APPBP2: variants seen among roughly 807,000 people sequenced by gnomAD.
APPBP2 encodes the protein amyloid beta precursor protein binding protein 2.
APPBP2 carries 15 observed loss-of-function variants against 76.0 expected under a neutral mutation model. The ratio of observed to expected loss-of-function variants is 0.20; its 90% CI spans 0.13 to 0.30. The LOEUF (loss-of-function observed/expected upper bound fraction) is 0.30. Ranked by LOEUF, APPBP2 falls within the 10% of genes least tolerant of loss-of-function variation. The pLI, the probability that APPBP2 is intolerant of heterozygous loss-of-function variation, is 1.00. For missense variants in APPBP2, 401 were observed against 687.2 expected (o/e 0.58, Z 4.66); for synonymous variants, 222 against 242.2 (o/e 0.92, Z 0.77).
rs544790789 is a variant in APPBP2 at position 60,453,536 on chromosome 17, G to GTT, written c.1338+764_1338+765dup. Among the ~76,000 whole-genome samples the GTT allele has an allele frequency of 9.3e-5, 13 of 140,498 alleles. 1 individual carries two copies. Among genetic ancestry groups the GTT allele is most frequent in the African/African-American group, 1.9e-4 (7 of 37,284 alleles). The allele number at this position is 140,498 out of a possible 152,430, so 92.2% of individuals were successfully genotyped here. On this transcript the variant is annotated intron_variant, in intron 11 of 12. Transcript: ENST00000083182. Reference sequence around the variant, plus strand: ...ATGTTTCCTAATTTTTCATGATCCTGTTTTTTTTTTTGTTTTTTTTGAAGA... The same window carrying GTT: ...ATGTTTCCTAATTTTTCATGATCCTGTTTTTTTTTTTTTGTTTTTTTTGAAGA...
chr17:60,483,223 CTT>C (rs1245100243), intron 3 of APPBP2, among the ~76,000 whole-genome samples: 1 of 152,094 alleles, frequency 6.6e-6, no homozygotes, highest in Non-Finnish European at 1.5e-5. Context: ...GCATAAATGT[CTT>C]CTTTTGAGAA....
chr17:60,452,182 G>C, intron 11 of APPBP2, 137 bp from the exon 12 acceptor site: 1 of 891,922 alleles, frequency 1.1e-6, no homozygotes, highest in Non-Finnish European at 1.7e-6. Flanking sequence ...AACATACTAT[G>C]TTATTCCAAA....
intron 1 of APPBP2, among the ~76,000 whole-genome samples, chr17:60,520,190 A>G (rs1381822377): frequency 2.0e-5 from 3 of 152,204 alleles, no homozygotes; most frequent in Non-Finnish European, 4.4e-5. Flanking sequence ...CTCCGATCCT[A>G]AATCAGAACC....
At position 60,447,728 on chromosome 17, in the gene APPBP2, G is replaced by A. The variant is rs767101744; in HGVS notation, c.1611C>T (p.His537=). 2.5e-6 allele frequency: 4 copies of A among 1,613,938 alleles called. No individual in the cohort carries two copies. Among genetic ancestry groups the A allele is most frequent in the Admixed American group, 1.7e-5 (1 of 59,988 alleles). The change falls in exon 13 of 13, where the codon CAC becomes CAT. Residue 537 remains histidine, a synonymous_variant. Transcript: ENST00000083182. The part of the protein sequence containing the change: ...IGNYEKVFEY[H]NVLSNWNRLR... ...ACCGGTTCCAGTTAGACAGAACATT[G>A]TGATATTCAAACACTTTCTCGTAAT... is the stretch of plus-strand genomic sequence containing the variant.
intron 2 of APPBP2, among the ~76,000 whole-genome samples, chr17:60,495,971 A>T (rs1366848026): frequency 1.3e-5 from 2 of 152,248 alleles, no homozygotes; most frequent in Admixed American, 6.5e-5. Flanking sequence ...GGAAAGTAGT[A>T]CTGATGCAAG....
intron 11 of APPBP2, among the ~76,000 whole-genome samples, chr17:60,453,263 A>G (rs1054644025): frequency 2.2e-5 from 3 of 135,208 alleles, no homozygotes; most frequent in Non-Finnish European, 4.9e-5. Context: ...GGCTCACTAC[A>G]ATCTCCATCT....
intron 1 of APPBP2, among the ~76,000 whole-genome samples, chr17:60,515,724 T>G (rs1280711871): frequency 6.6e-6 from 1 of 152,232 alleles, no homozygotes; most frequent in Non-Finnish European, 1.5e-5. Context: ...TAGATATTCT[T>G]AATTTGAGAG....
intron 2 of APPBP2, among the ~76,000 whole-genome samples, chr17:60,497,731 TG>T (rs2090788200): frequency 6.6e-6 from 1 of 152,088 alleles, no homozygotes; most frequent in African/African-American, 2.4e-5. Flanking sequence ...GCTAACAACT[TG>T]GTAAGATTCT....
chr17:60,518,647 G>A (rs981168532), intron 1 of APPBP2, among the ~76,000 whole-genome samples: 9 of 152,014 alleles, frequency 5.9e-5, no homozygotes, highest in Non-Finnish European at 1.0e-4. Flanking sequence ...GGGACCGTAG[G>A]CATGTGCCAC....
intron 1 of APPBP2, among the ~76,000 whole-genome samples, chr17:60,521,374 G>C (rs1781226368): frequency 6.6e-6 from 1 of 152,192 alleles, no homozygotes; most frequent in Non-Finnish European, 1.5e-5. Context: ...AGTGTACAGT[G>C]ATGTCTTAGG....
chr17:60,519,454 A>C (rs1326202264), intron 1 of APPBP2, among the ~76,000 whole-genome samples: 3 of 152,154 alleles, frequency 2.0e-5, no homozygotes, highest in African/African-American at 7.2e-5. Context: ...TACAAAAAAA[A>C]AATTTTTAAG....
chr17:60,493,537 T>C (rs955772127), intron 3 of APPBP2, among the ~76,000 whole-genome samples: 2 of 152,172 alleles, frequency 1.3e-5, no homozygotes, highest in Non-Finnish European at 2.9e-5. Context: ...TTTTGCTATG[T>C]TGCCCAGGCT....
At chr17:60,520,597 A>C (rs890361291) in intron 1 of APPBP2, among the ~76,000 whole-genome samples, 1 of 151,210 alleles carries the variant, frequency 6.6e-6, no homozygotes, top group Non-Finnish European at 1.5e-5. Flanking sequence ...AAAAATTAAG[A>C]TTGTGAAAAC....
intron 1 of APPBP2, among the ~76,000 whole-genome samples, chr17:60,520,586 A>T (rs2091001615): frequency 7.3e-6 from 1 of 137,428 alleles, no homozygotes; most frequent in Non-Finnish European, 1.5e-5. Context: ...AAAAAAAAAA[A>T]AAAAATTAAG....
chr17:60,454,068 G>A (rs1409625677), intron 11 of APPBP2, among the ~76,000 whole-genome samples: 2 of 152,000 alleles, frequency 1.3e-5, no homozygotes, highest in African/African-American at 4.8e-5. Context: ...TCCCTATGTT[G>A]TCCAGGCTGG....
intron 5 of APPBP2, among the ~76,000 whole-genome samples, chr17:60,465,845 T>A (rs962579229): frequency 7.2e-5 from 11 of 152,224 alleles, no homozygotes; most frequent in Non-Finnish European, 1.5e-4. Flanking sequence ...CCTGATTTTT[T>A]ATTTTTTTGA....
At chr17:60,480,079 G>A (rs112371557) in intron 3 of APPBP2, among the ~76,000 whole-genome samples, 2 of 152,246 alleles carry the variant, frequency 1.3e-5, no homozygotes, top group African/African-American at 4.8e-5. Context: ...TTCAGGATTA[G>A]TTACAATAAC....
At chr17:60,518,071 T>G (rs78839755) in intron 1 of APPBP2, among the ~76,000 whole-genome samples, 3 of 129,182 alleles carry the variant, frequency 2.3e-5, no homozygotes, top group African/African-American at 1.3e-4. Context: ...CAATTTCCTT[T>G]TTTTTTTTTT....
chr17:60,510,068 C>T (rs1353002275), intron 1 of APPBP2, among the ~76,000 whole-genome samples: 2 of 150,614 alleles, frequency 1.3e-5, no homozygotes, highest in East Asian at 3.9e-4. Flanking sequence ...CATGAGTTAT[C>T]GTCACTTACA....
Sources: gnomAD v4.1 joint callset for allele counts (sites outside exome capture counted in the v4.1 genomes callset) on GRCh38, gnomAD v4.1.1 for gene constraint, MANE v1.5 for transcripts, NCBI Gene and HGNC (gene_info 2026-07-23, HGNC 2026-07-21) for gene names.